MYO15A: variants seen among roughly 807,000 people sequenced by gnomAD.
The protein encoded by MYO15A is unconventional myosin-XV.
MYO15A carries 308 observed loss-of-function variants against 394.6 expected under a neutral mutation model. The ratio of observed to expected loss-of-function variants is 0.78; its 90% CI spans 0.71 to 0.86. The LOEUF (loss-of-function observed/expected upper bound fraction) is 0.86. Among genes scored for constraint, MYO15A ranks in the 40% least tolerant of loss-of-function variants. MYO15A has a pLI of 0.00. For synonymous variants in MYO15A, 1,957 were observed against 2,003.8 expected (o/e 0.98, Z 0.62); for missense variants, 4,606 against 4,799.1 (o/e 0.96, Z 1.19).
intron 60 of MYO15A, among the ~76,000 whole-genome samples, chr17:18,165,389 G>A (rs532852377): frequency 1.3e-5 from 2 of 152,216 alleles, no homozygotes; most frequent in East Asian, 3.9e-4. Context: ...TTCCTTTTCC[G>A]GCTTCTAGAG....
chr17:18,110,502 G>C (rs1453918602), intron 1 of MYO15A: 2 of 152,244 alleles, frequency 1.3e-5, no homozygotes, highest in African/African-American at 4.8e-5. Flanking sequence ...GGAGGTTGTA[G>C]TGAGAGTTGA....
chr17:18,131,098 A>C lies in MYO15A; in HGVS notation c.4039-141A>C, dbSNP rs1170506689. 3 of 783,220 alleles carry C rather than the reference A, an allele frequency of 3.8e-6. No homozygotes were observed. The African/African-American group carries it at 5.2e-5, about 14-fold the overall frequency. 48.5% of individuals were successfully genotyped at this position (783,220 alleles called of 1,614,324 possible). ...CACTGGAGAGACCTCAGGATTCTCT[A>C]GGGAGCCCACCTCTGGTCATCTCTC... On this transcript the variant is annotated intron_variant, in intron 8 of 65. Coordinates refer to ENST00000647165, the MANE Select transcript of MYO15A (RefSeq NM_016239.4).
intron 52 of MYO15A, 83 bp downstream of exon 52, chr17:18,158,721 CGGAGGCCCCACTTCT>C: frequency 6.6e-7 from 1 of 1,522,680 alleles, no homozygotes; most frequent in Non-Finnish European, 9.1e-7. Context: ...CTGTCAGTCT[CGGAGGCCCCACTTCT>C]GGTGGGAGAG....
Position 18,147,526 on chromosome 17 carries a change from G to A in MYO15A, c.6510-503G>A, listed in dbSNP as rs991552046. Among the ~76,000 whole-genome samples the A allele has an allele frequency of 1.3e-5, 2 of 152,186 alleles. No individual in the cohort carries two copies. Among genetic ancestry groups the A allele is most frequent in the Non-Finnish European group, 2.9e-5 (2 of 68,032 alleles). ...ATTGGGCTCATTGGGCCTGGGTTGA[G>A]TTGAACCCTCAGCTGTCCCTTTTAT... is the stretch of plus-strand genomic sequence containing the variant. On this transcript the variant is annotated intron_variant, in intron 30 of 65. Coordinates refer to ENST00000647165, the MANE Select transcript of MYO15A (RefSeq NM_016239.4). The surrounding 1 kb of genome is among the most constrained non-coding windows in gnomAD (Gnocchi z 4.4).
intron 62 of MYO15A, among the ~76,000 whole-genome samples, chr17:18,168,592 A>C (rs2046890615): frequency 6.6e-6 from 1 of 150,526 alleles, no homozygotes; most frequent in Admixed American, 6.6e-5. Context: ...AAAGAAAAGA[A>C]ACAGGGTCTT....
intron 52 of MYO15A, 109 bp from the exon 53 acceptor site, chr17:18,158,816 G>T: frequency 7.0e-7 from 1 of 1,426,372 alleles, no homozygotes; most frequent in South Asian, 1.1e-5. Flanking sequence ...CCGGTAGACT[G>T]ATCAGTGGTG....
In MYO15A at chr17:18,120,373, G is replaced by A. The variant is rs371936372; in HGVS notation, c.1573G>A (p.Val525Met). 6.3e-5 allele frequency: 101 copies of A among 1,611,650 alleles called. No homozygotes were observed. Among genetic ancestry groups the A allele is most frequent in the Middle Eastern group, 1.6e-4 (1 of 6,074 alleles). Residue 525 changes from valine to methionine, a missense_variant, in exon 2 of 66, where the codon GTG becomes ATG. Val to Met is a conservative substitution (Grantham distance 21). This residue lies in a region of MYO15A where 1,830 missense variants were observed against 1,689.7 expected (regional missense o/e 1.08). Coordinates refer to ENST00000647165, the MANE Select transcript of MYO15A (RefSeq NM_016239.4). ...GGAGGAGCTGCCCCCGGTTTCCGCT[G>A]TGCCCTACGGCCACCCTTTCTGGGG... ...DEEELPPVSA[V>M]PYGHPFWGFL...
intron 1 of MYO15A, among the ~76,000 whole-genome samples, chr17:18,112,859 T>A (rs935989445): frequency 2.2e-4 from 34 of 152,128 alleles, no homozygotes; most frequent in African/African-American, 7.2e-4. Context: ...TATTATTATT[T>A]TTTTTTGAAA....
chr17:18,156,977 G>A lies in MYO15A; in HGVS notation c.8625G>A (p.Val2875=). 1 of 1,614,200 alleles carries A rather than the reference G, an allele frequency of 6.2e-7. No homozygotes were observed. The highest frequency in any genetic ancestry group is 8.5e-7 in the Non-Finnish European group (1 of 1,180,034). ...LKKDSDYVVA[V]RNFLPEDPAL... is the part of the protein sequence containing the mutation. ...AGGACTCTGACTACGTGGTCGCTGT[G>A]AGGAACTTCCTGCCTGAGGACCCTG... Residue 2875 remains valine (V), a synonymous_variant, in exon 49 of 66, where the codon GTG becomes GTA. Transcript: ENST00000647165.
In MYO15A at chr17:18,158,521, AG is replaced by A. The variant is rs2046723129; in HGVS notation, c.8969del. 2 of 1,613,806 alleles carry A rather than the reference AG, an allele frequency of 1.2e-6. No homozygotes were observed. The highest frequency in any genetic ancestry group is 4.5e-5 in the East Asian group (2 of 44,878). ...GCCTTCCTAGCTCCGCCTCTTCTGC[AG>A]GGTCCCCCAGTCAGGGCCCGCTCTG... On this transcript the variant is annotated splice_acceptor_variant, in intron 51 of 65. Transcript: ENST00000647165. LOFTEE classifies it high-confidence loss of function.
In MYO15A at chr17:18,179,049, G is replaced by A. The variant is rs1444638840; in HGVS notation, c.*179G>A. 1.5e-6 allele frequency: 1 copy of A among 664,336 alleles called. No homozygotes were observed. The highest frequency in any genetic ancestry group is 2.7e-6 in the Non-Finnish European group (1 of 375,664). 41.2% of individuals were successfully genotyped at this position (664,336 alleles called of 1,614,324 possible). ...AACACAAGAAGACCCATCCTGAACT[G>A]GGATGGAATGGCAGCATGCAAACTT... is the stretch of plus-strand genomic sequence containing the variant. On this transcript the variant is annotated 3_prime_UTR_variant, in exon 66 of 66. Transcript: ENST00000647165.
rs181438003 is a variant in MYO15A at position 18,150,330 on chromosome 17, A to G, written c.7213-99A>G. 1 of 1,096,430 alleles carries G rather than the reference A, an allele frequency of 9.1e-7. No homozygotes were observed. The highest frequency in any genetic ancestry group is 1.4e-6 in the Non-Finnish European group (1 of 720,886). The allele number at this position is 1,096,430 out of a possible 1,614,324, so 67.9% of individuals were successfully genotyped here. A position where few individuals can be genotyped will look rare whatever the true frequency, so the allele number is the denominator to read the frequency against. ...AGCCAGTGGGAGGCTGCCCCCTCCC[A>G]CGAGAGGGTGGGGAAGAGGCCAGTG... On this transcript the variant is annotated intron_variant, in intron 35 of 65. Coordinates refer to ENST00000647165, the MANE Select transcript of MYO15A (RefSeq NM_016239.4). This position sits in a 1 kb window ranked among gnomAD's most constrained non-coding sequence, Gnocchi z 4.4.
At chr17:18,141,228 A>G in intron 22 of MYO15A, 85 bp downstream of exon 22, 5 of 1,591,460 alleles carry the variant, frequency 3.1e-6, no homozygotes, top group Non-Finnish European at 4.3e-6. Flanking sequence ...CAGGCAGTAC[A>G]GGGCTTGCCA....
In MYO15A at chr17:18,157,188, G is replaced by T. The variant is rs760155856; in HGVS notation, c.8746G>T (p.Val2916Leu). 5.0e-6 allele frequency: 8 copies of T among 1,610,714 alleles called. No individual in the cohort carries two copies. Among genetic ancestry groups the T allele is most frequent in the East Asian group, 4.5e-5 (2 of 44,756 alleles). Residue 2916 changes from valine to leucine, a missense_variant, in exon 50 of 66, where the codon GTG (valine) becomes TTG (leucine). Transcript: ENST00000647165. ...YSAGCVVRRK[V>L]VYLEELRRRG... ...TGCTGGCTGCGTGGTTCGCAGGAAG[G>T]TGGTGTACCTGGAGGAGCTGCGACG... is the stretch of plus-strand genomic sequence containing the variant.
intron 47 of MYO15A, chr17:18,155,773 A>T: frequency 2.3e-6 from 1 of 433,372 alleles, no homozygotes; most frequent in East Asian, 4.9e-5. Context: ...GTGACACCTT[A>T]CTGAGTACTC....
At chr17:18,154,961 T>C in intron 45 of MYO15A, 149 bp from the exon 46 acceptor site, 2 of 933,816 alleles carry the variant, frequency 2.1e-6, no homozygotes, top group Non-Finnish European at 1.7e-6. Flanking sequence ...CCTGGCCATC[T>C]CATCCATTTC....
At chr17:18,130,145 C>T (rs899110686) in intron 7 of MYO15A, among the ~76,000 whole-genome samples, 1 of 152,196 alleles carries the variant, frequency 6.6e-6, no homozygotes. Context: ...TCCCAAACTC[C>T]TGAAATTACA....
rs746329284 is a variant in MYO15A, at chr17:18,119,644, C to A, written c.844C>A (p.Pro282Thr). 1 of 1,603,744 alleles carries A rather than the reference C, an allele frequency of 6.2e-7. No homozygotes were observed. The highest frequency in any genetic ancestry group is 2.2e-5 in the East Asian group (1 of 44,866). Reference protein sequence around the residue: ...PPYGDHYYGYPPEDPYDYYHP... With the variant: ...PPYGDHYYGYTPEDPYDYYHP... ...CTACGGCGACCACTACTACGGGTAC[C>A]CGCCCGAGGATCCCTACGACTACTA... The change falls in exon 2 of 66, where the codon CCG (proline) becomes ACG (threonine). Residue 282 changes from proline (P) to threonine (T), a missense_variant. Pro to Thr is a conservative substitution (Grantham distance 38). Coordinates refer to ENST00000647165, the MANE Select transcript of MYO15A (RefSeq NM_016239.4).
rs772227393 is a variant in MYO15A, at chr17:18,119,173, C to G, written c.373C>G (p.Arg125Gly). The change falls in exon 2 of 66, where the codon CGG becomes GGG. Residue 125 changes from arginine to glycine, a missense_variant. Arg to Gly is a moderately radical substitution (Grantham distance 125, BLOSUM62 -2). Coordinates refer to ENST00000647165, the MANE Select transcript of MYO15A (RefSeq NM_016239.4). ...CTACGGCCGCCTGCGGCCGCGCGCC[C>G]GGTCACTCAGCAAAGCGTCCACGGC... is the stretch of plus-strand genomic sequence containing the variant. ...RGYGRLRPRA[R>G]SLSKASTAIN... 20 of 1,612,216 alleles carry G rather than the reference C, an allele frequency of 1.2e-5. No individual in the cohort carries two copies. Among genetic ancestry groups the G allele is most frequent in the Non-Finnish European group, 1.5e-5 (18 of 1,179,830 alleles).
Sources: gnomAD v4.1 joint callset for allele counts (sites outside exome capture counted in the v4.1 genomes callset) on GRCh38, gnomAD v4.1.1 for gene constraint, gnomAD v4.1.1 regional missense constraint, Gnocchi (gnomAD v3.1) non-coding constraint, MANE v1.5 for transcripts, NCBI Gene and HGNC (gene_info 2026-07-23, HGNC 2026-07-21) for gene names.